The following TMEM38B variants were observed in gnomAD, a reference collection of about 807,000 sequenced individuals.
TMEM38B encodes trimeric intracellular cation channel type B.
In TMEM38B, 24 loss-of-function variants were observed where a neutral mutation model predicts 28.7. The observed-to-expected ratio is 0.84, with a 90% CI of 0.61 to 1.18. The LOEUF (loss-of-function observed/expected upper bound fraction) is 1.18, where lower values mean the gene tolerates loss of function less well. Ranked by LOEUF, TMEM38B falls within the 50% of genes most tolerant of loss-of-function variation. TMEM38B has a pLI of 0.00. For missense variants in TMEM38B, 380 were observed against 350.9 expected (o/e 1.08, Z -0.66); for synonymous variants, 131 against 127.7 (o/e 1.03, Z -0.17).
chr9:105,774,192 G>C lies in TMEM38B; in HGVS notation c.*112G>C, dbSNP rs1305742664. The C allele has an allele frequency of 3.6e-6, 3 of 844,546 alleles. No individual in the cohort carries two copies. The African/African-American group carries it at 5.2e-5, about 15-fold the overall frequency. The allele number at this position is 844,546 out of a possible 1,614,324, so 52.3% of individuals were successfully genotyped here. ...AAATGAAGACTATATATATGGAATG[G>C]AGGTGACAGAAAGAAAGAAATTCTT... is the stretch of plus-strand genomic sequence containing the variant. On this transcript the variant is annotated 3_prime_UTR_variant, in exon 6 of 6. Coordinates refer to ENST00000374692, the MANE Select transcript of TMEM38B (RefSeq NM_018112.3).
At chr9:105,768,725 C>G (rs1826454000) in intron 5 of TMEM38B, among the ~76,000 whole-genome samples, 1 of 152,086 alleles carries the variant, frequency 6.6e-6, no homozygotes, top group South Asian at 2.1e-4. Context: ...CCTTTAATGT[C>G]TGTAGAATTT....
intron 2 of TMEM38B, among the ~76,000 whole-genome samples, chr9:105,715,421 C>T (rs1160650506): frequency 6.6e-6 from 1 of 151,982 alleles, no homozygotes; most frequent in Admixed American, 6.6e-5. Context: ...GTATTCTCTT[C>T]TACATGGTGT....
In TMEM38B at chr9:105,733,426, T is replaced by TTC. The variant is rs1336772612; in HGVS notation, c.542+10806_542+10807insCT. Among the ~76,000 whole-genome samples the TTC allele has an allele frequency of 2.7e-4, 40 of 148,062 alleles. 1 individual carries two copies. The highest frequency in any genetic ancestry group is 9.2e-4 in the African/African-American group (36 of 39,312). On this transcript the variant is annotated intron_variant, in intron 4 of 5. Transcript: ENST00000374692. Reference sequence around the variant, plus strand: ...GGCTTGCAGTTTTCTTTTTTCTTTTTTTTTTTTTTTGCGGTGTCTTTGTCT... The same window carrying TTC: ...GGCTTGCAGTTTTCTTTTTTCTTTTTTCTTTTTTTTTTGCGGTGTCTTTGTCT...
chr9:105,775,570 G>A lies in TMEM38B; in HGVS notation c.*1490G>A, dbSNP rs1826699389. On this transcript the variant is annotated 3_prime_UTR_variant, in exon 6 of 6. Coordinates refer to ENST00000374692, the MANE Select transcript of TMEM38B (RefSeq NM_018112.3). The stretch of plus-strand genomic sequence containing the variant: ...CTATTACTTGCTTAAAAAATTGGGA[G>A]GGGGCACTTTTCATAGTCTTGGAAT... 6.6e-6 allele frequency: 1 copy of A among 151,934 alleles called. No homozygotes were observed. The highest frequency in any genetic ancestry group is 2.4e-5 in the African/African-American group (1 of 41,412). The allele number at this position is 151,934 out of a possible 1,614,324, so 9.4% of individuals were successfully genotyped here.
At position 105,750,459 on chromosome 9, in the gene TMEM38B, A is replaced by G. The variant is rs549608943; in HGVS notation, c.660+2269A>G. Among the ~76,000 whole-genome samples the G allele has an allele frequency of 5.3e-5, 8 of 152,220 alleles. 1 individual carries two copies. The South Asian group carries it at 8.3e-4, about 16-fold the overall frequency. On this transcript the variant is annotated intron_variant, in intron 5 of 5. Transcript: ENST00000374692. ...GCCAACATGGTGAAACCCCATCTCT[A>G]CTAAAAATATAAAAATTAGTTGTGC... is the stretch of plus-strand genomic sequence containing the variant.
chr9:105,714,328 C>G (rs1263904172), intron 2 of TMEM38B, among the ~76,000 whole-genome samples: 2 of 152,212 alleles, frequency 1.3e-5, no homozygotes, highest in African/African-American at 4.8e-5. Flanking sequence ...CTTGCTCACC[C>G]TCCACTTGTC....
intron 4 of TMEM38B, among the ~76,000 whole-genome samples, chr9:105,738,715 CTTTTTTTTTTTT>C (rs71489351): frequency 2.7e-5 from 3 of 109,690 alleles, no homozygotes; most frequent in Admixed American, 9.9e-5. Flanking sequence ...TAATTTTTTC[CTTTTTTTTTTTT>C]TTTTTTTTTG....
At chr9:105,709,337 T>G (rs1171850100) in intron 2 of TMEM38B, among the ~76,000 whole-genome samples, 1 of 152,188 alleles carries the variant, frequency 6.6e-6, no homozygotes. Context: ...TTTAATTATT[T>G]GTAATAATGG....
rs773389292 is a variant in TMEM38B, at chr9:105,748,085, A to G, written c.555A>G (p.Val185=). Reference sequence around the variant, plus strand: ...GTTTTATTTTCAGCCCTGCCAAGGTAACCCTGCTGGGGTCAGTTATCTTCA... The same window carrying G: ...GTTTTATTTTCAGCCCTGCCAAGGTGACCCTGCTGGGGTCAGTTATCTTCA... The part of the protein sequence containing the change: ...EWLKMSYPAK[V]TLLGSVIFTF... Residue 185 remains valine, a synonymous_variant, in exon 5 of 6, where the codon GTA becomes GTG. Coordinates refer to ENST00000374692, the MANE Select transcript of TMEM38B (RefSeq NM_018112.3). 2 of 1,612,486 alleles carry G rather than the reference A, an allele frequency of 1.2e-6. No homozygotes were observed. Among genetic ancestry groups the G allele is most frequent in the Non-Finnish European group, 1.7e-6 (2 of 1,179,038 alleles).
intron 2 of TMEM38B, among the ~76,000 whole-genome samples, chr9:105,715,217 G>A (rs1041989644): frequency 5.3e-5 from 8 of 151,984 alleles, no homozygotes; most frequent in Non-Finnish European, 1.0e-4. Flanking sequence ...AACAATAAAT[G>A]TACTATTTTA....
chr9:105,705,045 A>G (rs1835605919), intron 1 of TMEM38B, among the ~76,000 whole-genome samples: 1 of 152,094 alleles, frequency 6.6e-6, no homozygotes, highest in South Asian at 2.1e-4. Flanking sequence ...TCAAGTTATT[A>G]TTTTCCTCTA....
At chr9:105,702,840 T>C (rs1835505889) in intron 1 of TMEM38B, 1 of 152,068 alleles carries the variant, frequency 6.6e-6, no homozygotes, top group Non-Finnish European at 1.5e-5. Flanking sequence ...CTATCAAGCC[T>C]GGCTAATTTT....
intron 2 of TMEM38B, among the ~76,000 whole-genome samples, chr9:105,719,581 C>T (rs1836247260): frequency 6.6e-6 from 1 of 152,240 alleles, no homozygotes; most frequent in African/African-American, 2.4e-5. Context: ...GGCTACTTAA[C>T]TCTCAAATGA....
At position 105,705,874 on chromosome 9, in the gene TMEM38B, A is replaced by G. The variant is rs560624490; in HGVS notation, c.269+121A>G. The G allele has an allele frequency of 3.0e-5, 32 of 1,059,484 alleles. No homozygotes were observed. The African/African-American group carries it at 4.5e-4, about 15-fold the overall frequency. 65.6% of individuals were successfully genotyped at this position (1,059,484 alleles called of 1,614,324 possible). A position where few individuals can be genotyped will look rare whatever the true frequency, so the allele number is the denominator to read the frequency against. On this transcript the variant is annotated intron_variant, in intron 2 of 5. Transcript: ENST00000374692. ...GTGCTTGAAAAGTTAATGCATCTGC[A>G]AGGAAGGAACCCAAATAATGCTAAG...
At chr9:105,742,309 G>A (rs57694909) in intron 4 of TMEM38B, among the ~76,000 whole-genome samples, 7,502 of 152,286 alleles carry the variant, frequency 0.049, 522 homozygotes, top group African/African-American at 0.15. Flanking sequence ...AACCACCAAT[G>A]TAGAGGTTGA....
chr9:105,710,537 A>G (rs1028486710), intron 2 of TMEM38B: 30 of 1,070,036 alleles, frequency 2.8e-5, no homozygotes, highest in Middle Eastern at 3.0e-4. Flanking sequence ...CTGTATTTCA[A>G]TCTGCCCTCC....
chr9:105,705,553 A>T, intron 1 of TMEM38B, 44 bp from the exon 2 acceptor site: 1 of 1,539,836 alleles, frequency 6.5e-7, no homozygotes, highest in Non-Finnish European at 8.8e-7. Flanking sequence ...CTTGTTTAAT[A>T]AATGTATAAT....
intron 5 of TMEM38B, chr9:105,748,982 C>A: frequency 1.9e-6 from 2 of 1,061,166 alleles, no homozygotes; most frequent in Non-Finnish European, 1.2e-6. Flanking sequence ...AAAAACTTAT[C>A]TACAGGATTT....
intron 5 of TMEM38B, among the ~76,000 whole-genome samples, chr9:105,751,979 C>G (rs1837671096): frequency 6.6e-6 from 1 of 152,126 alleles, no homozygotes; most frequent in African/African-American, 2.4e-5. Flanking sequence ...GTTTGGTAGA[C>G]TCAGCTGCTG....
Sources: gnomAD v4.1 joint callset for allele counts (sites outside exome capture counted in the v4.1 genomes callset) on GRCh38, gnomAD v4.1.1 for gene constraint, MANE v1.5 for transcripts, NCBI Gene and HGNC (gene_info 2026-07-23, HGNC 2026-07-21) for gene names.